LPIN1: variants seen among roughly 807,000 people sequenced by gnomAD.
LPIN1 encodes phosphatidate phosphatase LPIN1.
LPIN1 carries 71 observed loss-of-function variants against 107.5 expected under a neutral mutation model. That is an observed-to-expected ratio of 0.66 (90% CI 0.55 to 0.80). LPIN1 has a LOEUF of 0.80. LPIN1 is among the 30% of genes least tolerant of loss of function. LPIN1 has a pLI of 0.00. For missense variants in LPIN1, 1,043 were observed against 1,160.6 expected, an observed-to-expected ratio of 0.90 and a Z score of 1.47; for synonymous variants, 445 against 452.6, an observed-to-expected ratio of 0.98 and a Z score of 0.21.
intron 1 of LPIN1, among the ~76,000 whole-genome samples, chr2:11,726,013 T>C (rs556074932): frequency 1.3e-5 from 2 of 152,240 alleles, no homozygotes; most frequent in East Asian, 3.9e-4. Flanking sequence ...ACTGGCAGCG[T>C]TATTGCTGGA....
At chr2:11,717,581 C>A (rs1430613946) in intron 2 of LPIN1, among the ~76,000 whole-genome samples, 1 of 151,726 alleles carries the variant, frequency 6.6e-6, no homozygotes, top group Admixed American at 6.6e-5. Context: ...AGCCTGTAAC[C>A]TTGTTACCAT....
chr2:11,788,239 G>T, intron 11 of LPIN1, 148 bp from the exon 12 acceptor site: 1 of 658,190 alleles, frequency 1.5e-6, no homozygotes, highest in Admixed American at 2.2e-5. Context: ...GGGGTGATAT[G>T]GAGGAGGGCT....
intron 1 of LPIN1, among the ~76,000 whole-genome samples, chr2:11,701,671 A>C (rs986740427): frequency 5.9e-5 from 9 of 152,362 alleles, no homozygotes; most frequent in Admixed American, 5.9e-4. Flanking sequence ...ACAACAGTAC[A>C]TCATCATCTC....
chr2:11,781,323 C>T (rs1673538474), intron 7 of LPIN1, among the ~76,000 whole-genome samples: 1 of 152,204 alleles, frequency 6.6e-6, no homozygotes, highest in Admixed American at 6.5e-5. Context: ...AAGTTTATGT[C>T]GTTAGTTGCT....
intron 6 of LPIN1, chr2:11,777,290 G>A (rs1343775202): frequency 1.3e-5 from 2 of 152,202 alleles, no homozygotes; most frequent in East Asian, 3.9e-4. Context: ...GAGAAGGGTT[G>A]CTGTGGCCTG....
intron 1 of LPIN1, among the ~76,000 whole-genome samples, chr2:11,758,058 A>G (rs1344162642): frequency 1.3e-5 from 2 of 151,708 alleles, no homozygotes; most frequent in Non-Finnish European, 2.9e-5. Context: ...CATTTAGCCT[A>G]CTGTCCTCAA....
intron 1 of LPIN1, among the ~76,000 whole-genome samples, chr2:11,727,621 C>T (rs1222749724): frequency 3.3e-5 from 5 of 152,178 alleles, no homozygotes; most frequent in Admixed American, 3.3e-4. Context: ...ACATGCACCT[C>T]TACTTTATCC....
intron 1 of LPIN1, among the ~76,000 whole-genome samples, chr2:11,693,199 C>T (rs796367218): frequency 1.1e-4 from 16 of 140,992 alleles, no homozygotes; most frequent in African/African-American, 4.1e-4. Context: ...ATCACCTGAA[C>T]AACATTTTTT....
chr2:11,778,785 G>A (rs1177138015), intron 6 of LPIN1, among the ~76,000 whole-genome samples: 3 of 152,208 alleles, frequency 2.0e-5, no homozygotes, highest in Non-Finnish European at 4.4e-5. Context: ...TTGTGGATAA[G>A]TTAATGACTT....
chr2:11,693,796 A>G (rs1558723288), intron 1 of LPIN1, among the ~76,000 whole-genome samples: 19 of 21,158 alleles, frequency 9.0e-4, no homozygotes, highest in Admixed American at 2.2e-3. Context: ...GTGTATATAT[A>G]TATATATATA....
chr2:11,803,710 C>G lies in LPIN1; in HGVS notation c.2013+677C>G, dbSNP rs1678170077. Among the ~76,000 whole-genome samples, 1 of 152,048 alleles carries G rather than the reference C, an allele frequency of 6.6e-6. No individual in the cohort carries two copies. The highest frequency in any genetic ancestry group is 2.4e-5 in the African/African-American group (1 of 41,388). Reference sequence around the variant, plus strand: ...CAGGCCATGTGTGGGACCCTGCAGCCTGGGGGTCTCTGTGTGACTCACTGC... The same window carrying G: ...CAGGCCATGTGTGGGACCCTGCAGCGTGGGGGTCTCTGTGTGACTCACTGC... On this transcript the variant is annotated intron_variant, in intron 15 of 20. Coordinates refer to ENST00000674199, the MANE Select transcript of LPIN1 (RefSeq NM_001349206.2). This position sits in a 1 kb window ranked among gnomAD's most constrained non-coding sequence, Gnocchi z 4.2.
chr2:11,773,491 C>A, intron 4 of LPIN1, 129 bp from the exon 5 acceptor site: 1 of 794,902 alleles, frequency 1.3e-6, no homozygotes, highest in South Asian at 1.5e-5. Context: ...CTGCCTGGAA[C>A]AGATCTGGGT....
intron 6 of LPIN1, among the ~76,000 whole-genome samples, chr2:11,778,147 CA>C (rs1329622750): frequency 6.6e-6 from 1 of 151,976 alleles, no homozygotes; most frequent in African/African-American, 2.4e-5. Flanking sequence ...TGGGGGGGCC[CA>C]CGTGCCTTCT....
At chr2:11,802,849 T>A in intron 14 of LPIN1, 58 bp from the exon 15 acceptor site, 1 of 1,603,720 alleles carries the variant, frequency 6.2e-7, no homozygotes, top group Non-Finnish European at 8.5e-7. Context: ...GCTAATGCAT[T>A]TTTCATGGCT....
At chr2:11,804,374 C>G in intron 15 of LPIN1, 49 bp from the exon 16 acceptor site, 1 of 1,608,426 alleles carries the variant, frequency 6.2e-7, no homozygotes, top group Non-Finnish European at 8.5e-7. Flanking sequence ...GCCCATCAAT[C>G]AGGGCCTTTC....
intron 14 of LPIN1, among the ~76,000 whole-genome samples, chr2:11,802,467 G>T (rs927283778): frequency 6.6e-6 from 1 of 152,132 alleles, no homozygotes; most frequent in Non-Finnish European, 1.5e-5. Context: ...TAATTGCTTG[G>T]AGTTGTATAT....
intron 1 of LPIN1, chr2:11,713,635 A>G: frequency 1.6e-6 from 1 of 607,572 alleles, no homozygotes; most frequent in Non-Finnish European, 2.9e-6. Flanking sequence ...CACCGAATTC[A>G]CCATGTTCAA....
At chr2:11,767,345 T>C (rs1671080066) in intron 2 of LPIN1, 3 of 213,666 alleles carry the variant, frequency 1.4e-5, no homozygotes, top group Non-Finnish European at 2.9e-5. Context: ...TCACCAGCCA[T>C]GTGACCCTGG....
At chr2:11,743,887 G>C (rs1177587924), upstream of LPIN1, among the ~76,000 whole-genome samples, 1 of 152,144 alleles carries the variant, frequency 6.6e-6, no homozygotes, top group African/African-American at 2.4e-5. The surrounding 1 kb of genome is among the most constrained non-coding windows in gnomAD (Gnocchi z 4.7). Context: ...CAGAGTTCTC[G>C]GGATACAACA....
Sources: gnomAD v4.1 joint callset for allele counts (sites outside exome capture counted in the v4.1 genomes callset) on GRCh38, gnomAD v4.1.1 for gene constraint, Gnocchi (gnomAD v3.1) non-coding constraint, MANE v1.5 for transcripts, NCBI Gene and HGNC (gene_info 2026-07-23, HGNC 2026-07-21) for gene names.